The following GALNTL6 variants were observed in gnomAD, a reference collection of about 807,000 sequenced individuals.
GALNTL6 encodes the protein polypeptide N-acetylgalactosaminyltransferase-like 6.
GALNTL6 carries 46 observed loss-of-function variants against 73.7 expected under a neutral mutation model. That is an observed-to-expected ratio of 0.62 (90% CI 0.49 to 0.80). GALNTL6 has a LOEUF of 0.80. Among genes scored for constraint, GALNTL6 ranks in the 30% least tolerant of loss-of-function variants. GALNTL6 has a pLI of 0.00. For synonymous variants in GALNTL6, 259 were observed against 263.7 expected (o/e 0.98, Z 0.17); for missense variants, 604 against 755.0 (o/e 0.80, Z 2.34).
intron 5 of GALNTL6, among the ~76,000 whole-genome samples, chr4:172,658,948 C>G (rs1043594604): frequency 6.6e-6 from 1 of 152,020 alleles, no homozygotes; most frequent in Admixed American, 6.6e-5. Flanking sequence ...CTTGGTGATA[C>G]CATGAAATTT....
chr4:172,447,677 G>A (rs142407488), intron 5 of GALNTL6, among the ~76,000 whole-genome samples: 24 of 152,202 alleles, frequency 1.6e-4, no homozygotes, highest in African/African-American at 5.1e-4. Context: ...CCTATACATC[G>A]TACTGTCTTG....
chr4:172,951,887 C>T, intron 9 of GALNTL6, 150 bp from the exon 10 acceptor site: 1 of 609,394 alleles, frequency 1.6e-6, no homozygotes, highest in East Asian at 2.9e-5. Flanking sequence ...CTTGCTGTTA[C>T]TAAAACTCTC....
intron 2 of GALNTL6, among the ~76,000 whole-genome samples, chr4:171,946,645 G>A (rs976805833): frequency 2.6e-5 from 4 of 152,096 alleles, no homozygotes; most frequent in African/African-American, 9.7e-5. Context: ...ATGTTATGAA[G>A]AGAATAAACT....
At chr4:172,011,396 G>C (rs963503431) in intron 2 of GALNTL6, among the ~76,000 whole-genome samples, 13 of 151,894 alleles carry the variant, frequency 8.6e-5, no homozygotes, top group African/African-American at 2.9e-4. Context: ...AGAGAGTGTG[G>C]GTGTGTCCTA....
Position 172,940,670 on chromosome 4 carries a change from T to TTAG in GALNTL6, c.1149+9404_1149+9405insGTA, listed in dbSNP as rs1446607223. Among the ~76,000 whole-genome samples the TTAG allele has an allele frequency of 2.5e-5, 3 of 119,938 alleles. No homozygotes were observed. The East Asian group carries it at 6.7e-4, about 27-fold the overall frequency. 78.7% of individuals were successfully genotyped at this position (119,938 alleles called of 152,430 possible). On this transcript the variant is annotated intron_variant, in intron 9 of 12. Transcript: ENST00000506823. ...GCCACCACACCCGGCCAACATTTTA[T>TTAG]TATTATTATTATTATTATTTAGAGA...
intron 5 of GALNTL6, among the ~76,000 whole-genome samples, chr4:172,747,458 T>G (rs946609283): frequency 6.6e-6 from 1 of 151,924 alleles, no homozygotes; most frequent in African/African-American, 2.4e-5. Context: ...AAATTAAAAC[T>G]ATAAGAAGAT....
Position 172,918,991 on chromosome 4 carries a change from CA to C in GALNTL6, c.1042-12163del, listed in dbSNP as rs1049764269. On this transcript the variant is annotated intron_variant, in intron 8 of 12. Transcript: ENST00000506823. ...TATTTAATATTGCTTAAAAAACTAA[CA>C]AAAAAATTTAAAACTGAATTTCTCT... 5.9e-5 allele frequency among the ~76,000 whole-genome samples: 9 copies of C among 152,152 alleles called. No individual in the cohort carries two copies. In the South Asian group the frequency reaches 1.5e-3, roughly 25 times the overall value.
At chr4:172,488,569 G>A (rs1485046740) in intron 5 of GALNTL6, among the ~76,000 whole-genome samples, 1 of 152,158 alleles carries the variant, frequency 6.6e-6, no homozygotes, top group Non-Finnish European at 1.5e-5. Context: ...GGAATCCAAA[G>A]GCAGGTGACC....
chr4:172,525,977 T>C (rs1333550016), intron 5 of GALNTL6, among the ~76,000 whole-genome samples: 1 of 152,240 alleles, frequency 6.6e-6, no homozygotes, highest in Non-Finnish European at 1.5e-5. Context: ...TTCTTACATA[T>C]TTCATTTATT....
intron 5 of GALNTL6, among the ~76,000 whole-genome samples, chr4:172,744,959 G>C (rs1737016492): frequency 2.0e-5 from 3 of 151,260 alleles, no homozygotes; most frequent in Non-Finnish European, 2.9e-5. Context: ...ATTCAATATT[G>C]TTTCATGTTA....
chr4:171,893,260 T>C (rs1736812992), intron 2 of GALNTL6, among the ~76,000 whole-genome samples: 1 of 152,224 alleles, frequency 6.6e-6, no homozygotes. Flanking sequence ...GAACTCCTTC[T>C]GACTTATAAC....
At chr4:172,462,389 G>A (rs1439531948) in intron 5 of GALNTL6, among the ~76,000 whole-genome samples, 1 of 152,144 alleles carries the variant, frequency 6.6e-6, no homozygotes, top group Admixed American at 6.5e-5. Flanking sequence ...TATAAAAAGT[G>A]TGCTTACCTA....
intron 2 of GALNTL6, among the ~76,000 whole-genome samples, chr4:172,176,532 C>T (rs150602978): frequency 9.5e-4 from 145 of 151,876 alleles, no homozygotes; most frequent in Non-Finnish European, 1.4e-3. Flanking sequence ...CTTCCTGCCT[C>T]TAATCTCAGT....
chr4:172,540,052 T>A (rs889761309), intron 5 of GALNTL6, among the ~76,000 whole-genome samples: 1 of 90,096 alleles, frequency 1.1e-5, no homozygotes, highest in African/African-American at 3.5e-5. Context: ...TCTTTCTTTC[T>A]TTTTTTTTTT....
At chr4:172,018,233 G>A (rs576265454) in intron 2 of GALNTL6, among the ~76,000 whole-genome samples, 1 of 152,046 alleles carries the variant, frequency 6.6e-6, no homozygotes, top group East Asian at 1.9e-4. Context: ...CCAGGGGGAG[G>A]TATTCTGGTT....
At position 173,040,746 on chromosome 4, in the gene GALNTL6, T is replaced by C. The variant is rs1391196285; in HGVS notation, c.*646T>C. On this transcript the variant is annotated 3_prime_UTR_variant, in exon 13 of 13. Transcript: ENST00000506823. ...ATTCTTTCGTTTATATTTGCCATTTTTTTTTCAGAGCAAAGTTTCTTTTTT... is the reference window on the plus strand; with the variant it reads ...ATTCTTTCGTTTATATTTGCCATTTCTTTTTCAGAGCAAAGTTTCTTTTTT... The C allele has an allele frequency of 6.6e-6, 1 of 152,656 alleles. No individual in the cohort carries two copies. Among genetic ancestry groups the C allele is most frequent in the Non-Finnish European group, 1.5e-5 (1 of 68,042 alleles). 9.5% of individuals were successfully genotyped at this position (152,656 alleles called of 1,614,324 possible). A position where few individuals can be genotyped will look rare whatever the true frequency, so the allele number is the denominator to read the frequency against.
At position 172,529,024 on chromosome 4, in the gene GALNTL6, T is replaced by C. The variant is rs201245848; in HGVS notation, c.553+180335T>C. Among the ~76,000 whole-genome samples the C allele has an allele frequency of 1.6e-3, 209 of 132,658 alleles. 2 individuals carry two copies. The South Asian group carries it at 0.018, about 11-fold the overall frequency. The allele number at this position is 132,658 out of a possible 152,430, so 87.0% of individuals were successfully genotyped here. A position where few individuals can be genotyped will look rare whatever the true frequency, so the allele number is the denominator to read the frequency against. On this transcript the variant is annotated intron_variant, in intron 5 of 12. Coordinates refer to ENST00000506823, the MANE Select transcript of GALNTL6 (RefSeq NM_001034845.3). ...ATATATATACACACACACACACACA[T>C]ATATATATATATCAAGTAGCAGTAC... is the stretch of plus-strand genomic sequence containing the variant.
chr4:172,208,526 G>A (rs1736217865), intron 2 of GALNTL6, among the ~76,000 whole-genome samples: 1 of 151,996 alleles, frequency 6.6e-6, no homozygotes, highest in Non-Finnish European at 1.5e-5. Flanking sequence ...TGTATGATTT[G>A]GTATTTTTCT....
chr4:172,322,227 T>C (rs1740784629), intron 4 of GALNTL6, among the ~76,000 whole-genome samples: 1 of 152,176 alleles, frequency 6.6e-6, no homozygotes. Context: ...GGCCGTCTTC[T>C]ATGCGTAGTT....
Sources: gnomAD v4.1 joint callset for allele counts (sites outside exome capture counted in the v4.1 genomes callset) on GRCh38, gnomAD v4.1.1 for gene constraint, MANE v1.5 for transcripts, NCBI Gene and HGNC (gene_info 2026-07-23, HGNC 2026-07-21) for gene names.